The following PROM2 variants were observed in gnomAD, a reference collection of about 807,000 sequenced individuals.
PROM2 encodes the protein prominin-2.
A neutral mutation model predicts 110.2 loss-of-function variants in PROM2; 90 were observed. The ratio of observed to expected loss-of-function variants is 0.82; its 90% CI spans 0.69 to 0.97. The LOEUF is 0.97. PROM2 is among the 50% of genes least tolerant of loss of function. PROM2 has a pLI of 0.00. For missense variants in PROM2, 1,009 were observed against 1,074.8 expected, an observed-to-expected ratio of 0.94 and a Z score of 0.86; for synonymous variants, 470 against 467.8, an observed-to-expected ratio of 1.00 and a Z score of -0.06.
intron 17 of PROM2, 60 bp from the exon 18 acceptor site, chr2:95,286,744 C>G (rs1573462134): frequency 1.4e-6 from 2 of 1,391,096 alleles, no homozygotes; most frequent in East Asian, 4.7e-5. Context: ...CACTTTCCTC[C>G]CCTCTCCTCC....
At chr2:95,280,902 C>T (rs1292346962) in intron 11 of PROM2, among the ~76,000 whole-genome samples, 2 of 152,184 alleles carry the variant, frequency 1.3e-5, no homozygotes, top group Non-Finnish European at 2.9e-5. Flanking sequence ...CTCAACCTGT[C>T]CTCCCACCTC....
intron 1 of PROM2, 57 bp downstream of exon 1, chr2:95,274,886 C>T: frequency 5.4e-6 from 8 of 1,488,924 alleles, no homozygotes; most frequent in Non-Finnish European, 7.1e-6. Flanking sequence ...GCCCGGCTTC[C>T]TCTGTCCCAC....
intron 14 of PROM2, 143 bp from the exon 15 acceptor site, chr2:95,284,826 C>A: frequency 1.0e-6 from 1 of 976,444 alleles, no homozygotes; most frequent in Non-Finnish European, 1.5e-6. Context: ...ACCCCCAACA[C>A]CGGGGATCAC....
chr2:95,276,455 G>A lies in PROM2; in HGVS notation c.618+108G>A, dbSNP rs114081176. On this transcript the variant is annotated intron_variant, in intron 4 of 23. Transcript: ENST00000317620. The surrounding 1 kb of genome is among the most constrained non-coding windows in gnomAD (Gnocchi z 4.6). Reference sequence around the variant, plus strand: ...CCCATAACCAGCGCATCTGAAAGCCGCCTCCTCTCCCGCCCTTGCCTGAGA... The same window carrying A: ...CCCATAACCAGCGCATCTGAAAGCCACCTCCTCTCCCGCCCTTGCCTGAGA... The A allele has an allele frequency of 2.5e-6, 4 of 1,591,334 alleles. No individual in the cohort carries two copies. The highest frequency in any genetic ancestry group is 1.7e-5 in the Admixed American group (1 of 58,876).
rs1433280019 is a variant in PROM2, at chr2:95,275,970, T to G, written c.335T>G (p.Ile112Ser). The G allele has an allele frequency of 6.2e-7, 1 of 1,612,366 alleles. No individual in the cohort carries two copies. Among genetic ancestry groups the G allele is most frequent in the South Asian group, 1.1e-5 (1 of 91,000 alleles). ...YEAGYVVCAV[I>S]AGLYLLLVPT... The stretch of plus-strand genomic sequence containing the variant: ...GCGGGCTACGTGGTATGCGCTGTGA[T>G]CGCGGGCCTCTACCTGCTGCTGGTG... The change falls in exon 3 of 24, where the codon ATC becomes AGC. Residue 112 changes from isoleucine to serine, a missense_variant. Transcript: ENST00000317620. This position sits in a 1 kb window ranked among gnomAD's most constrained non-coding sequence, Gnocchi z 4.4.
intron 23 of PROM2, 52 bp downstream of exon 23, chr2:95,289,058 G>A: frequency 1.4e-6 from 2 of 1,395,756 alleles, no homozygotes; most frequent in East Asian, 2.3e-5. Context: ...TTAAGGGAGT[G>A]GGGTGGGGAG....
At position 95,288,511 on chromosome 2, in the gene PROM2, G is replaced by T; in HGVS notation, c.2363G>T (p.Cys788Phe). 6.2e-7 allele frequency: 1 copy of T among 1,614,188 alleles called. No individual in the cohort carries two copies. ...GCCTTCTGGTTCTGCCTGGCATGGT[G>T]CACCTTCTTCCTGATCCCCAGCATC... ...WNAFWFCLAWCTFFLIPSIIF... is the reference protein window; with the variant it reads ...WNAFWFCLAWFTFFLIPSIIF... The change falls in exon 22 of 24, where the codon TGC becomes TTC. Residue 788 changes from cysteine to phenylalanine, a missense_variant. Cys to Phe is a radical substitution (Grantham distance 205). Transcript: ENST00000317620.
Position 95,277,837 on chromosome 2 carries a change from G to A in PROM2, c.976-93G>A, listed in dbSNP as rs1219994977. On this transcript the variant is annotated intron_variant, in intron 7 of 23. Coordinates refer to ENST00000317620, the MANE Select transcript of PROM2 (RefSeq NM_001165978.3). ...CTCATTTTACACTTGAGGACATTGG[G>A]GTTCAGAGGCCCCTGCCCCCCTCAT... The A allele has an allele frequency of 3.2e-5, 35 of 1,083,600 alleles. 1 individual carries two copies. Among genetic ancestry groups the A allele is most frequent in the Non-Finnish European group, 4.9e-5 (35 of 718,926 alleles). The allele number at this position is 1,083,600 out of a possible 1,614,324, so 67.1% of individuals were successfully genotyped here.
intron 12 of PROM2, 119 bp downstream of exon 12, chr2:95,281,484 G>A (rs544194565): frequency 6.8e-5 from 83 of 1,228,464 alleles, no homozygotes; most frequent in Admixed American, 3.1e-4. Flanking sequence ...GGGAGGGGAG[G>A]AGTGAGACAG....
At chr2:95,281,494 G>A in intron 12 of PROM2, 129 bp downstream of exon 12, 1 of 1,221,302 alleles carries the variant, frequency 8.2e-7, no homozygotes, top group Non-Finnish European at 1.1e-6. Flanking sequence ...GAGTGAGACA[G>A]ACATGGCCAA....
rs1394356198 is a variant in PROM2, at chr2:95,274,619, C to T, written c.34C>T (p.Leu12=). The change falls in exon 1 of 24, where the codon CTG becomes TTG. Residue 12 remains leucine, a synonymous_variant. Coordinates refer to ENST00000317620, the MANE Select transcript of PROM2 (RefSeq NM_001165978.3). ...KHTLALLAPL[L]GLGLGLALSQ... is the part of the protein sequence containing the mutation. ...CACACTGGCTCTGCTGGCTCCCCTGCTGGGCCTGGGCCTGGGGCTGGCCCT... is the reference window on the plus strand; with the variant it reads ...CACACTGGCTCTGCTGGCTCCCCTGTTGGGCCTGGGCCTGGGGCTGGCCCT... 2 of 1,601,376 alleles carry T rather than the reference C, an allele frequency of 1.2e-6. No homozygotes were observed. The highest frequency in any genetic ancestry group is 2.7e-5 in the African/African-American group (2 of 74,652).
intron 11 of PROM2, among the ~76,000 whole-genome samples, chr2:95,280,455 C>T (rs1676982237): frequency 1.3e-5 from 2 of 152,226 alleles, no homozygotes; most frequent in South Asian, 4.1e-4. Flanking sequence ...GTGCCTGCCT[C>T]ATAAGCCCTT....
At chr2:95,277,635 C>T (rs1676754783) in intron 7 of PROM2, 69 bp downstream of exon 7, 2 of 1,395,340 alleles carry the variant, frequency 1.4e-6, no homozygotes, top group East Asian at 2.5e-5. Context: ...TGGGATCTGG[C>T]AAATTCCCAG....
intron 11 of PROM2, among the ~76,000 whole-genome samples, chr2:95,280,785 C>T (rs1412924513): frequency 1.4e-4 from 21 of 152,182 alleles, no homozygotes; most frequent in Admixed American, 1.0e-3. Context: ...GTTGGGACTA[C>T]AGGCGTGTGC....
Position 95,286,514 on chromosome 2 carries a change from G to T in PROM2, c.1983G>T (p.Glu661Asp), listed in dbSNP as rs1330038069. 4 of 1,613,832 alleles carry T rather than the reference G, an allele frequency of 2.5e-6. No individual in the cohort carries two copies. The highest frequency in any genetic ancestry group is 1.3e-5 in the African/African-American group (1 of 75,006). Reference sequence around the variant, plus strand: ...TGCTGGGGCAGCGGCTGCAGGAGGAGGCCCAAGGACTCAGAAACCTTCACC... The same window carrying T: ...TGCTGGGGCAGCGGCTGCAGGAGGATGCCCAAGGACTCAGAAACCTTCACC... Reference protein sequence around the residue: ...NSVLGQRLQEEAQGLRNLHQE... With the variant: ...NSVLGQRLQEDAQGLRNLHQE... Residue 661 changes from glutamate to aspartate, a missense_variant, in exon 17 of 24, where the codon GAG (glutamate) becomes GAT (aspartate). Coordinates refer to ENST00000317620, the MANE Select transcript of PROM2 (RefSeq NM_001165978.3).
At position 95,286,547 on chromosome 2, in the gene PROM2, G is replaced by C; in HGVS notation, c.2016G>C (p.Lys672Asn). The C allele has an allele frequency of 6.2e-7, 1 of 1,613,688 alleles. No homozygotes were observed. The highest frequency in any genetic ancestry group is 8.5e-7 in the Non-Finnish European group (1 of 1,179,966). ...GACTCAGAAACCTTCACCAGGAGAA[G>C]GTCGTCCCCCAGCAGAGCCTTGTGG... ...AQGLRNLHQE[K>N]VVPQQSLVAK... Residue 672 changes from lysine (K) to asparagine (N), a missense_variant, in exon 17 of 24, where the codon AAG (lysine) becomes AAC (asparagine). Lys to Asn is a moderately conservative substitution (Grantham distance 94). Transcript: ENST00000317620.
At chr2:95,287,269 G>C in intron 19 of PROM2, 56 bp downstream of exon 19, 1 of 1,594,948 alleles carries the variant, frequency 6.3e-7, no homozygotes, top group East Asian at 2.2e-5. Flanking sequence ...TCCAGTCCCA[G>C]CTTCTCACTG....
At chr2:95,279,214 C>A (rs1330634753) in intron 10 of PROM2, 70 bp downstream of exon 10, 2 of 1,247,034 alleles carry the variant, frequency 1.6e-6, no homozygotes, top group Admixed American at 2.9e-5. Context: ...CACCCTGACA[C>A]CCTGAGCCCC....
At chr2:95,286,734 C>T in intron 17 of PROM2, 70 bp from the exon 18 acceptor site, 1 of 1,178,004 alleles carries the variant, frequency 8.5e-7, no homozygotes, top group Non-Finnish European at 1.2e-6. Flanking sequence ...CACTCCCCTC[C>T]ACTTTCCTCC....
Sources: gnomAD v4.1 joint callset for allele counts (sites outside exome capture counted in the v4.1 genomes callset) on GRCh38, gnomAD v4.1.1 for gene constraint, Gnocchi (gnomAD v3.1) non-coding constraint, MANE v1.5 for transcripts, NCBI Gene and HGNC (gene_info 2026-07-23, HGNC 2026-07-21) for gene names.